The following SMC1A variants were observed in gnomAD, a reference collection of about 807,000 sequenced individuals.
SMC1A encodes the protein structural maintenance of chromosomes 1A.
A neutral mutation model predicts 94.5 loss-of-function variants in SMC1A; 4 were observed. The observed-to-expected ratio is 0.04, with a 90% CI of 0.02 to 0.10. SMC1A has a LOEUF of 0.10. Among genes scored for constraint, SMC1A ranks in the 10% least tolerant of loss-of-function variants. The pLI is 1.00. For missense variants in SMC1A, 304 were observed against 989.0 expected, an observed-to-expected ratio of 0.31 and a Z score of 9.29; for synonymous variants, 345 against 347.7, an observed-to-expected ratio of 0.99 and a Z score of 0.09.
chrX:53,420,621 T>G (rs1224794886), intron 1 of SMC1A, among the ~76,000 whole-genome samples: 1 of 111,419 alleles, frequency 9.0e-6, no homozygotes, highest in Non-Finnish European at 1.9e-5. Context: ...ATTAGTCCTA[T>G]CCTAAGTCTG....
At chrX:53,421,706 C>G (rs2075756754) in intron 1 of SMC1A, among the ~76,000 whole-genome samples, 1 of 112,491 alleles carries the variant, frequency 8.9e-6, no homozygotes, top group Non-Finnish European at 1.9e-5. Context: ...TTCTCCTTAT[C>G]TTCTTTCCCC....
intron 19 of SMC1A, among the ~76,000 whole-genome samples, chrX:53,387,535 T>C (rs1186746884): frequency 8.9e-6 from 1 of 112,185 alleles, no homozygotes; most frequent in Non-Finnish European, 1.9e-5. Flanking sequence ...GCCCAATCTA[T>C]TGAAAAGTTC....
At chrX:53,401,989 T>C (rs933784892) in intron 15 of SMC1A, among the ~76,000 whole-genome samples, 1 of 110,548 alleles carries the variant, frequency 9.0e-6, no homozygotes, top group Non-Finnish European at 1.9e-5. Context: ...CTTGTCATTG[T>C]TTTTTATTTT....
At chrX:53,421,588 G>A (rs1336304149) in intron 1 of SMC1A, among the ~76,000 whole-genome samples, 1 of 111,730 alleles carries the variant, frequency 9.0e-6, no homozygotes, top group Admixed American at 9.5e-5. Context: ...ACACAAAATA[G>A]AGGCTTTACC....
chrX:53,388,028 A>G (rs1556886655), intron 19 of SMC1A, among the ~76,000 whole-genome samples: 2 of 111,818 alleles, frequency 1.8e-5, no homozygotes, highest in African/African-American at 6.5e-5. Flanking sequence ...CTCTCTTTAT[A>G]GTATTCCAGC....
intron 9 of SMC1A, among the ~76,000 whole-genome samples, chrX:53,408,762 T>C (rs1031271918): frequency 4.1e-5 from 4 of 98,083 alleles, no homozygotes; most frequent in Admixed American, 2.4e-4. Context: ...GGCATAGACA[T>C]AGCAAGACAA....
chrX:53,405,826 T>C lies in SMC1A; in HGVS notation c.1676A>G (p.Tyr559Cys). Residue 559 changes from tyrosine to cysteine, a missense_variant, in exon 10 of 25, where the codon TAT (tyrosine) becomes TGT (cysteine). By Grantham distance (194) the Tyr-to-Cys change is radical (BLOSUM62 -2). This residue lies in a region of SMC1A where 57 missense variants were observed against 278.1 expected (regional missense o/e 0.20). Coordinates refer to ENST00000322213, the MANE Select transcript of SMC1A (RefSeq NM_006306.4). ...AGGCTCCCCACGCTGCTCCTTGATA[T>C]ACTGAATACAGTCCCGGCCTGTCTT... ...SEKTGRDCIQ[Y>C]IKEQRGEPET... 8.3e-7 allele frequency: 1 copy of C among 1,211,549 alleles called. No homozygotes were observed. The highest frequency in any genetic ancestry group is 1.1e-6 in the Non-Finnish European group (1 of 895,367).
At chrX:53,380,250 C>A in intron 24 of SMC1A, 64 bp from the exon 25 acceptor site, 1 of 838,717 alleles carries the variant, frequency 1.2e-6, no homozygotes, top group African/African-American at 2.0e-5. Context: ...GGGTCTAGTG[C>A]CCCAGGACCA....
chrX:53,415,843 G>GA (rs201092400), intron 1 of SMC1A, among the ~76,000 whole-genome samples: 4,278 of 50,782 alleles, frequency 0.084, 262 homozygotes, highest in African/African-American at 0.21. Flanking sequence ...AAAAAATAGT[G>GA]AAAAAAAAAA....
chrX:53,391,436 C>T (rs1383635213), intron 19 of SMC1A, among the ~76,000 whole-genome samples: 1 of 102,893 alleles, frequency 9.7e-6, no homozygotes, highest in Non-Finnish European at 2.0e-5. Context: ...CTAGGCAACA[C>T]AGTGAGACCT....
In SMC1A at chrX:53,413,406, G is replaced by A; in HGVS notation, c.441C>T (p.Asn147=). The A allele has an allele frequency of 1.7e-6, 2 of 1,211,006 alleles. No individual in the cohort carries two copies. The highest frequency in any genetic ancestry group is 2.3e-4 in the Middle Eastern group (1 of 4,353). The change falls in exon 4 of 25, where the codon AAC becomes AAT. Residue 147 remains asparagine, a synonymous_variant. Coordinates refer to ENST00000322213, the MANE Select transcript of SMC1A (RefSeq NM_006306.4). ...CAAATAGAGCTGTCCTCTCTTTGGG[G>A]TTCTTCATGGCAATAGATTCCACAG... ...QGAVESIAMK[N]PKERTALFEE...
rs2075719463 is a variant in SMC1A, at chrX:53,413,015, T to C, written c.739A>G (p.Lys247Glu). 8.3e-7 allele frequency: 1 copy of C among 1,210,319 alleles called. No individual in the cohort carries two copies. Among genetic ancestry groups the C allele is most frequent in the Non-Finnish European group, 1.1e-6 (1 of 894,193 alleles). ...KLNKELASKN[K>E]EIEKDKKRMD... Reference sequence around the variant, plus strand: ...CGCTTCTTGTCCTTCTCGATCTCCTTGTTCTTTGAGGCCAGTTCCTTGTTG... The same window carrying C: ...CGCTTCTTGTCCTTCTCGATCTCCTCGTTCTTTGAGGCCAGTTCCTTGTTG... Residue 247 changes from lysine to glutamate, a missense_variant, in exon 5 of 25, where the codon AAG becomes GAG. Around this residue, in one of 11 missense-constraint regions of SMC1A, gnomAD observed 120 missense variants for 314.9 expected, o/e 0.38. Transcript: ENST00000322213.
At chrX:53,398,298 T>A (rs1214787477) in intron 16 of SMC1A, among the ~76,000 whole-genome samples, 2 of 105,202 alleles carry the variant, frequency 1.9e-5, no homozygotes, top group African/African-American at 6.9e-5. Context: ...AGTCAAACAA[T>A]AAGTTCAAAC....
At chrX:53,387,246 C>T (rs1004570768) in intron 19 of SMC1A, among the ~76,000 whole-genome samples, 3 of 112,036 alleles carry the variant, frequency 2.7e-5, no homozygotes, top group African/African-American at 6.5e-5. Flanking sequence ...CCACCCACCT[C>T]GGCCTCCCAA....
In SMC1A at chrX:53,411,441, T is replaced by C. The variant is rs1166821764; in HGVS notation, c.1254+320A>G. Among the ~76,000 whole-genome samples, 3 of 110,069 alleles carry C rather than the reference T, an allele frequency of 2.7e-5. No homozygotes were observed. In the East Asian group the frequency reaches 8.6e-4, roughly 32 times the overall value. ...CCTGTCTCTACTAAAAATACAAAAA[T>C]TAGTTGGACATGGTGGCGCACGCCT... On this transcript the variant is annotated intron_variant, in intron 7 of 24. Coordinates refer to ENST00000322213, the MANE Select transcript of SMC1A (RefSeq NM_006306.4).
chrX:53,406,483 GAGATGATATTGTCTCTT>G (rs1433228589), intron 9 of SMC1A, among the ~76,000 whole-genome samples: 1 of 112,038 alleles, frequency 8.9e-6, no homozygotes, highest in African/African-American at 3.2e-5. Context: ...TTCAGAGCAA[GAGATGATATTGTCTCTT>G]AGCACAATTA....
intron 7 of SMC1A, among the ~76,000 whole-genome samples, chrX:53,410,177 C>T (rs2075705610): frequency 9.0e-6 from 1 of 111,113 alleles, no homozygotes; most frequent in Non-Finnish European, 1.9e-5. Flanking sequence ...CTACAATGCC[C>T]AGGGTCTGGT....
chrX:53,411,252 G>A (rs183564110), intron 7 of SMC1A, among the ~76,000 whole-genome samples: 1 of 111,017 alleles, frequency 9.0e-6, no homozygotes, highest in East Asian at 2.8e-4. Flanking sequence ...CATACAGTAA[G>A]TGCTCAACAG....
In SMC1A at chrX:53,415,997, C is replaced by T. The variant is rs782392859; in HGVS notation, c.110-828G>A. 8.1e-5 allele frequency among the ~76,000 whole-genome samples: 9 copies of T among 111,122 alleles called. 1 individual carries two copies. Among genetic ancestry groups the T allele is most frequent in the South Asian group, 7.5e-4 (2 of 2,665 alleles). ...GAAACAAACAAGACACAAAACTCAA[C>T]GATGTTAAAATAATATAAAGTGGGC... On this transcript the variant is annotated intron_variant, in intron 1 of 24. Transcript: ENST00000322213.
Sources: allele counts gnomAD v4.1 joint callset (sites outside exome capture counted in the v4.1 genomes callset), GRCh38; gene constraint gnomAD v4.1.1; regional missense constraint gnomAD v4.1.1; transcripts MANE v1.5; gene names NCBI Gene and HGNC (gene_info 2026-07-23, HGNC 2026-07-21).